PTPRO: variants seen among roughly 807,000 people sequenced by gnomAD.
PTPRO encodes the protein receptor-type tyrosine-protein phosphatase O.
PTPRO carries 62 observed loss-of-function variants against 145.2 expected under a neutral mutation model. That is an observed-to-expected ratio of 0.43 (90% CI 0.35 to 0.53). The LOEUF is 0.53. Among genes scored for constraint, PTPRO ranks in the 20% least tolerant of loss-of-function variants. The probability of loss-of-function intolerance (pLI) is 0.01; values close to 1 mark genes in which losing one functional copy is unlikely to be tolerated. For missense variants in PTPRO, 1,345 were observed against 1,482.7 expected (o/e 0.91, Z 1.53); for synonymous variants, 565 against 514.7 (o/e 1.10, Z -1.32).
At chr12:15,380,423 A>T (rs1938822238) in intron 1 of PTPRO, among the ~76,000 whole-genome samples, 1 of 152,132 alleles carries the variant, frequency 6.6e-6, no homozygotes. Flanking sequence ...GAAAAGGTGG[A>T]TAGGGAAACT....
intron 1 of PTPRO, among the ~76,000 whole-genome samples, chr12:15,421,201 C>T (rs984307261): frequency 2.5e-4 from 38 of 152,124 alleles, no homozygotes; most frequent in African/African-American, 8.9e-4. Flanking sequence ...CTTTTACATC[C>T]CTATCTTGCA....
rs57202820 is a variant in PTPRO, at chr12:15,482,144, GGTGTGTGT to G, written c.76-1813_76-1806del. 1.6e-4 allele frequency among the ~76,000 whole-genome samples: 23 copies of G among 148,308 alleles called. 2 individuals carry two copies. Among genetic ancestry groups the G allele is most frequent in the African/African-American group, 5.2e-4 (21 of 40,440 alleles). ...GAGGGTGAATGGATAAAGAAAATAT[GGTGTGTGT>G]GTGTGTGTGTGTGTGTATATATATA... On this transcript the variant is annotated intron_variant, in intron 1 of 26. Transcript: ENST00000281171.
chr12:15,395,988 C>G (rs993854030), intron 1 of PTPRO, among the ~76,000 whole-genome samples: 2 of 152,140 alleles, frequency 1.3e-5, no homozygotes, highest in African/African-American at 4.8e-5. Flanking sequence ...AAGTAGGTGT[C>G]TAATTTCTGA....
At chr12:15,477,800 T>C (rs571632126) in intron 1 of PTPRO, among the ~76,000 whole-genome samples, 1 of 152,292 alleles carries the variant, frequency 6.6e-6, no homozygotes, top group South Asian at 2.1e-4. Flanking sequence ...ATTGTGCTGA[T>C]ATCCTCCATG....
chr12:15,501,302 A>G (rs2136469225), intron 4 of PTPRO, among the ~76,000 whole-genome samples: 1 of 152,292 alleles, frequency 6.6e-6, no homozygotes, highest in South Asian at 2.1e-4. Flanking sequence ...AAGTGGAATT[A>G]CGATAAACTG....
At chr12:15,564,334 C>T (rs1028240394) in intron 17 of PTPRO, among the ~76,000 whole-genome samples, 4 of 152,136 alleles carry the variant, frequency 2.6e-5, no homozygotes, top group South Asian at 4.1e-4. Context: ...CATCACAAGC[C>T]CAAGTCTAGT....
At chr12:15,331,507 T>C (rs538025435) in intron 1 of PTPRO, among the ~76,000 whole-genome samples, 3 of 152,360 alleles carry the variant, frequency 2.0e-5, no homozygotes, top group Admixed American at 2.0e-4. Context: ...TCATCTCTTA[T>C]ACATATGTCT....
At chr12:15,540,715 A>G (rs1943163493) in intron 12 of PTPRO, among the ~76,000 whole-genome samples, 1 of 152,216 alleles carries the variant, frequency 6.6e-6, no homozygotes, top group African/African-American at 2.4e-5. Flanking sequence ...CTGCCAGAGC[A>G]CAGAATAAGA....
rs552243219 is a variant in PTPRO at position 15,331,443 on chromosome 12, T to A, written c.75+8642T>A. On this transcript the variant is annotated intron_variant, in intron 1 of 26. Coordinates refer to ENST00000281171, the MANE Select transcript of PTPRO (RefSeq NM_030667.3). ...AATATCAATTCTCCACTATGCTATT[T>A]ACTGGCAGTAGGATGCTGGGAAAGT... Among the ~76,000 whole-genome samples the A allele has an allele frequency of 2.6e-5, 4 of 152,324 alleles. No individual in the cohort carries two copies. The East Asian group carries it at 7.7e-4, about 29-fold the overall frequency.
intron 12 of PTPRO, chr12:15,546,359 A>C: frequency 3.6e-6 from 5 of 1,401,768 alleles, no homozygotes; most frequent in Non-Finnish European, 4.6e-6. Flanking sequence ...GAGAAGTAAA[A>C]AAATGGAAGG....
intron 17 of PTPRO, among the ~76,000 whole-genome samples, chr12:15,564,595 G>C (rs2135593787): frequency 6.6e-6 from 1 of 152,302 alleles, no homozygotes; most frequent in South Asian, 2.1e-4. Context: ...CCTGCTAAAA[G>C]CTTTCAGGAA....
chr12:15,444,675 G>A (rs1411140671), intron 1 of PTPRO, among the ~76,000 whole-genome samples: 1 of 151,320 alleles, frequency 6.6e-6, no homozygotes, highest in African/African-American at 2.4e-5. Flanking sequence ...TTATAAAGGA[G>A]GCCCCAGAGA....
intron 1 of PTPRO, among the ~76,000 whole-genome samples, chr12:15,337,139 A>G (rs1866791546): frequency 6.6e-6 from 1 of 152,236 alleles, no homozygotes; most frequent in Non-Finnish European, 1.5e-5. Context: ...TTTTGTAGGA[A>G]GAAATATTTT....
chr12:15,398,133 G>A (rs565284703), intron 1 of PTPRO, among the ~76,000 whole-genome samples: 3 of 152,128 alleles, frequency 2.0e-5, no homozygotes, highest in African/African-American at 4.8e-5. Context: ...TAAAGTGGTC[G>A]TGATGGGTCT....
chr12:15,402,041 G>T (rs910529374), intron 1 of PTPRO, among the ~76,000 whole-genome samples: 1 of 152,124 alleles, frequency 6.6e-6, no homozygotes, highest in Non-Finnish European at 1.5e-5. Context: ...TTAATGTAGG[G>T]CATGAAAGGA....
At position 15,520,252 on chromosome 12, in the gene PTPRO, G is replaced by A; in HGVS notation, c.1831G>A (p.Val611Met). ...AWYYNFRVTM[V>M]TWGDPELSCC... ...GTACTACAACTTCCGGGTTACCATGGTGACGTGGGGAGATCCAGAATTGAG... is the reference window on the plus strand; with the variant it reads ...GTACTACAACTTCCGGGTTACCATGATGACGTGGGGAGATCCAGAATTGAG... The change falls in exon 10 of 27, where the codon GTG becomes ATG. Residue 611 changes from valine (V) to methionine (M), a missense_variant. Val to Met is a conservative substitution (Grantham distance 21). This residue lies in a region of PTPRO where 1,130 missense variants were observed against 1,214.7 expected (regional missense o/e 0.93). Coordinates refer to ENST00000281171, the MANE Select transcript of PTPRO (RefSeq NM_030667.3). The A allele has an allele frequency of 6.2e-7, 1 of 1,613,912 alleles. No homozygotes were observed. Among genetic ancestry groups the A allele is most frequent in the Non-Finnish European group, 8.5e-7 (1 of 1,179,892 alleles).
chr12:15,515,986 T>TG (rs141478303), intron 8 of PTPRO, among the ~76,000 whole-genome samples: 3 of 114,704 alleles, frequency 2.6e-5, no homozygotes, highest in Non-Finnish European at 3.5e-5. Context: ...GTTTTTTTTT[T>TG]GTTTTGTTTT....
chr12:15,356,650 G>A (rs1481248732), intron 1 of PTPRO, among the ~76,000 whole-genome samples: 1 of 151,926 alleles, frequency 6.6e-6, no homozygotes, highest in Non-Finnish European at 1.5e-5. Context: ...ATGTTCATTG[G>A]GCTTTCCATC....
chr12:15,344,354 C>A (rs192162321), intron 1 of PTPRO, among the ~76,000 whole-genome samples: 4 of 152,172 alleles, frequency 2.6e-5, no homozygotes, highest in African/African-American at 9.7e-5. Context: ...TCAGAGCACT[C>A]TTTTGCAAAT....
Sources: gnomAD v4.1 joint callset for allele counts (sites outside exome capture counted in the v4.1 genomes callset) on GRCh38, gnomAD v4.1.1 for gene constraint, gnomAD v4.1.1 regional missense constraint, MANE v1.5 for transcripts, NCBI Gene and HGNC (gene_info 2026-07-23, HGNC 2026-07-21) for gene names.